OSBPL10: variants seen among roughly 807,000 people sequenced by gnomAD.
The protein encoded by OSBPL10 is oxysterol binding protein like 10.
Under a neutral mutation model 81.7 loss-of-function variants are expected in OSBPL10, and 49 were observed. That is an observed-to-expected ratio of 0.60 (90% CI 0.48 to 0.76). OSBPL10 has a LOEUF of 0.76. OSBPL10 is among the 30% of genes least tolerant of loss of function. The pLI is 0.00. For missense variants in OSBPL10, 923 were observed against 987.8 expected (o/e 0.93, Z 0.88); for synonymous variants, 419 against 383.6 (o/e 1.09, Z -1.08).
chr3:31,726,521 G>A (rs969596429), intron 6 of OSBPL10, among the ~76,000 whole-genome samples: 29 of 151,852 alleles, frequency 1.9e-4, no homozygotes, highest in Admixed American at 5.2e-4. Flanking sequence ...TCACCATGTT[G>A]GCCAGGACGG....
At chr3:31,875,082 T>TAAAAAAAAAAAAAAAAAAAAAAGAAAA (rs555527834) in intron 3 of OSBPL10, among the ~76,000 whole-genome samples, 1 of 103,078 alleles carries the variant, frequency 9.7e-6, no homozygotes, top group Non-Finnish European at 2.0e-5. Flanking sequence ...ATATATTAAG[T>TAAAAAAAAAAAAAAAAAAAAAAGAAAA]AAAAAAAAAA....
At chr3:31,983,464 G>C (rs984992835), upstream of OSBPL10, among the ~76,000 whole-genome samples, 8 of 152,206 alleles carry the variant, frequency 5.3e-5, no homozygotes, top group Non-Finnish European at 1.0e-4. Context: ...AGACCCTTGA[G>C]ATAGACCAGT....
intron 4 of OSBPL10, among the ~76,000 whole-genome samples, chr3:31,782,498 A>G (rs1051693207): frequency 9.8e-5 from 15 of 152,356 alleles, no homozygotes; most frequent in Admixed American, 9.8e-4. Flanking sequence ...AGCAGAGTAA[A>G]CAGACAACCC....
intron 3 of OSBPL10, among the ~76,000 whole-genome samples, chr3:31,858,777 C>A (rs1369051984): frequency 6.6e-6 from 1 of 152,190 alleles, no homozygotes; most frequent in Non-Finnish European, 1.5e-5. Flanking sequence ...CTGGATTATA[C>A]TGGAGCTTTC....
chr3:31,938,509 TTTTG>T (rs377750097), intron 1 of OSBPL10, among the ~76,000 whole-genome samples: 47 of 152,156 alleles, frequency 3.1e-4, no homozygotes, highest in South Asian at 1.9e-3. Context: ...TTGTGGGGTT[TTTTG>T]TTTGTTTGTT....
intron 6 of OSBPL10, among the ~76,000 whole-genome samples, chr3:31,726,698 T>C (rs1696818249): frequency 6.6e-6 from 1 of 151,910 alleles, no homozygotes; most frequent in Non-Finnish European, 1.5e-5. Context: ...ACAGCTATGA[T>C]GCTGCCACAA....
intron 2 of OSBPL10, among the ~76,000 whole-genome samples, chr3:32,009,152 T>G (rs990371327): frequency 1.5e-4 from 23 of 152,208 alleles, no homozygotes; most frequent in Non-Finnish European, 2.1e-4. Context: ...GTGACCCTAG[T>G]CCTGCTAAGT....
At chr3:32,060,222 T>G (rs1265049686) in intron 1 of OSBPL10, among the ~76,000 whole-genome samples, 1 of 152,192 alleles carries the variant, frequency 6.6e-6, no homozygotes, top group Non-Finnish European at 1.5e-5. Context: ...TCAAATAATT[T>G]TAAAACAAAC....
intron 4 of OSBPL10, among the ~76,000 whole-genome samples, chr3:31,773,864 A>G: frequency 6.6e-6 from 1 of 152,164 alleles, no homozygotes; most frequent in South Asian, 2.1e-4. Flanking sequence ...TCTTTCATAC[A>G]TTACAAATAT....
intron 3 of OSBPL10, among the ~76,000 whole-genome samples, chr3:31,853,548 T>A (rs1407146204): frequency 6.6e-6 from 1 of 152,166 alleles, no homozygotes; most frequent in East Asian, 1.9e-4. Flanking sequence ...ATTGGATGAA[T>A]GGAAGGAAGA....
intron 6 of OSBPL10, chr3:31,704,233 A>G (rs1412110344): frequency 1.3e-5 from 2 of 152,358 alleles, no homozygotes; most frequent in Non-Finnish European, 2.9e-5. Flanking sequence ...CCTCTTCTGG[A>G]TTTCAGGTCA....
At chr3:31,892,158 AGAG>A (rs1409502601) in intron 1 of OSBPL10, among the ~76,000 whole-genome samples, 8 of 151,966 alleles carry the variant, frequency 5.3e-5, no homozygotes, top group African/African-American at 1.9e-4. Context: ...GACTCGGGGA[AGAG>A]GAGAGGAGAG....
At chr3:31,883,545 T>G (rs1253088822) in intron 1 of OSBPL10, among the ~76,000 whole-genome samples, 30 of 149,808 alleles carry the variant, frequency 2.0e-4, no homozygotes, top group Non-Finnish European at 1.5e-4. Flanking sequence ...TTTTGTTGTT[T>G]TTTTTTTTTG....
intron 8 of OSBPL10, among the ~76,000 whole-genome samples, chr3:31,677,143 T>C (rs1418081768): frequency 1.3e-5 from 2 of 152,160 alleles, no homozygotes; most frequent in East Asian, 3.9e-4. Context: ...AATCAACAAA[T>C]TCATAGAATA....
At chr3:31,871,719 C>G (rs1042536177) in intron 3 of OSBPL10, among the ~76,000 whole-genome samples, 29 of 152,038 alleles carry the variant, frequency 1.9e-4, no homozygotes, top group Non-Finnish European at 1.0e-4. Context: ...AAAAATTAGC[C>G]GGGGATGATG....
intron 3 of OSBPL10, among the ~76,000 whole-genome samples, chr3:31,849,931 G>A (rs1002043404): frequency 5.9e-5 from 9 of 152,248 alleles, no homozygotes; most frequent in East Asian, 3.9e-4. Context: ...TTGGGAGACC[G>A]AAGTAAGCGG....
intron 4 of OSBPL10, among the ~76,000 whole-genome samples, chr3:31,783,346 G>A (rs534356723): frequency 6.6e-6 from 1 of 151,814 alleles, no homozygotes; most frequent in African/African-American, 2.4e-5. Flanking sequence ...TGGACTTTGG[G>A]AACTCATAGG....
chr3:31,958,071 T>G (rs899687120), intron 1 of OSBPL10, among the ~76,000 whole-genome samples: 5 of 152,228 alleles, frequency 3.3e-5, no homozygotes, highest in Admixed American at 6.5e-5. Flanking sequence ...GTGTGCTATG[T>G]CTTAGCCTTT....
In OSBPL10 at chr3:31,947,010, G is replaced by A. The variant is rs1312971980; in HGVS notation, c.281+33889C>T. Among the ~76,000 whole-genome samples, 3 of 152,252 alleles carry A rather than the reference G, an allele frequency of 2.0e-5. No individual in the cohort carries two copies. The East Asian group carries it at 5.8e-4, about 29-fold the overall frequency. On this transcript the variant is annotated intron_variant, in intron 1 of 11. Coordinates refer to ENST00000396556, the MANE Select transcript of OSBPL10 (RefSeq NM_017784.5). ...TGTTAGATACTGACAAATGAGACGA[G>A]CAGTTATCAGAAGAGACAAAGGCAG...
Sources: gnomAD v4.1 joint callset for allele counts (sites outside exome capture counted in the v4.1 genomes callset) on GRCh38, gnomAD v4.1.1 for gene constraint, MANE v1.5 for transcripts, NCBI Gene and HGNC (gene_info 2026-07-23, HGNC 2026-07-21) for gene names.